Variants in BCOR observed in about 807,000 individuals in gnomAD.
The protein encoded by BCOR is BCL6 corepressor.
A neutral mutation model predicts 86.7 loss-of-function variants in BCOR; 10 were observed. The ratio of observed to expected loss-of-function variants is 0.12; its 90% confidence interval spans 0.07 to 0.20. The LOEUF (loss-of-function observed/expected upper bound fraction) is 0.20, where lower values mean the gene tolerates loss of function less well. BCOR is among the 10% of genes least tolerant of loss of function. The pLI is 1.00. For missense variants in BCOR, 1,259 were observed against 1,452.1 expected (o/e 0.87, Z 2.16); for synonymous variants, 611 against 609.0 (o/e 1.00, Z -0.05).
At chrX:40,076,239 C>G (rs1026757186) in intron 3 of BCOR, among the ~76,000 whole-genome samples, 1 of 111,835 alleles carries the variant, frequency 8.9e-6, no homozygotes, top group Non-Finnish European at 1.9e-5. Context: ...CCACCAGTCA[C>G]TAGGGGACAG....
chrX:40,153,835 T>C (rs1938222004), intron 1 of BCOR, among the ~76,000 whole-genome samples: 1 of 111,164 alleles, frequency 9.0e-6, no homozygotes, highest in Admixed American at 9.3e-5. Context: ...GCCTCTGCTC[T>C]GCGTTGGGGA....
intron 1 of BCOR, among the ~76,000 whole-genome samples, chrX:40,168,116 C>G (rs1938541553): frequency 8.8e-6 from 1 of 113,055 alleles, no homozygotes; most frequent in Non-Finnish European, 1.9e-5. Context: ...ACCCGGCCAC[C>G]ACGGGACCGC....
Position 40,055,510 on chromosome X carries a change from A to G in BCOR, c.4599T>C (p.Pro1533=), listed in dbSNP as rs189304389. Residue 1533 remains proline (P), a synonymous_variant, in exon 12 of 15, where the codon CCT becomes CCC. Transcript: ENST00000378444. ...VNCSAQDGTR[P]LHDAVENDHL... is the part of the protein sequence containing the mutation. ...GATCGTTCTCAACAGCATCGTGCAG[A>G]GGCCTAGGAAGAGAGGCGCAATAGA... 9 of 1,211,455 alleles carry G rather than the reference A, an allele frequency of 7.4e-6. No individual in the cohort carries two copies. In the Admixed American group the frequency reaches 1.7e-4, roughly 23 times the overall value.
At position 40,097,330 on chromosome X, in the gene BCOR, GAGAT is replaced by G. The variant is rs1204049420; in HGVS notation, c.-160_-157del. On this transcript the variant is annotated 5_prime_UTR_variant, in exon 1 of 15. Transcript: ENST00000378444. ...CGGGGGGCGGTTGGGTGGGTGGAGA[GAGAT>G]ATGAGGGGTGGGGGGGGTTGGCGAC... is the stretch of plus-strand genomic sequence containing the variant. 9.7e-6 allele frequency: 1 copy of G among 102,629 alleles called. No individual in the cohort carries two copies. The highest frequency in any genetic ancestry group is 2.0e-5 in the Non-Finnish European group (1 of 49,755). The allele number at this position is 102,629 out of a possible 1,213,427, so 8.5% of individuals were successfully genotyped here.
At chrX:40,106,400 G>A (rs984763692) in intron 1 of BCOR, among the ~76,000 whole-genome samples, 4 of 112,180 alleles carry the variant, frequency 3.6e-5, no homozygotes, top group Non-Finnish European at 7.6e-5. Context: ...GCGGCCCCGC[G>A]GGCCCGGAGT....
intron 14 of BCOR, 117 bp downstream of exon 14, chrX:40,053,769 T>A: frequency 1.2e-6 from 1 of 812,749 alleles, no homozygotes. Context: ...GTGAGGTTCG[T>A]GGACAGTTAA....
rs368780561 is a variant in BCOR at position 40,064,392 on chromosome X, G to A, written c.3446C>T (p.Ala1149Val). ...CAGAGGGTCCTCTGGCACCTCCTCC[G>A]CAGTGGTCTCAGTGTGGCTGCTGTC... ...SGDSSHTETT[A>V]EEVPEDPLLK... Residue 1149 changes from alanine to valine, a missense_variant, in exon 7 of 15, where the codon GCG (alanine) becomes GTG (valine). Physicochemically the swap from Ala to Val is moderately conservative, Grantham distance 64. This residue lies in a region of BCOR where 305 missense variants were observed against 286.1 expected (regional missense o/e 1.07). Coordinates refer to ENST00000378444, the MANE Select transcript of BCOR (RefSeq NM_001123385.2). The A allele has an allele frequency of 3.2e-4, 385 of 1,211,069 alleles. No homozygotes were observed. The highest frequency in any genetic ancestry group is 5.6e-4 in the South Asian group (32 of 56,924).
chrX:40,086,708 T>C (rs1936375960), intron 1 of BCOR, among the ~76,000 whole-genome samples: 2 of 113,884 alleles, frequency 1.8e-5, no homozygotes, highest in African/African-American at 6.4e-5. Context: ...CGCCAACAGC[T>C]GTCACATTAT....
chrX:40,172,869 G>A (rs761847786), intron 1 of BCOR, among the ~76,000 whole-genome samples: 15 of 112,733 alleles, frequency 1.3e-4, no homozygotes, highest in Non-Finnish European at 1.1e-4. Flanking sequence ...GGGCGATAAG[G>A]AGTTCCTCGG....
At chrX:40,063,509 A>G in intron 8 of BCOR, 99 bp downstream of exon 8, 2 of 670,064 alleles carry the variant, frequency 3.0e-6, no homozygotes, top group Non-Finnish European at 2.3e-6. Flanking sequence ...GTCAATTGCT[A>G]TGGCCTTCTA....
chrX:40,080,815 C>CGTGTGT (rs533981374), intron 1 of BCOR, among the ~76,000 whole-genome samples: 150 of 65,992 alleles, frequency 2.3e-3, no homozygotes, highest in Middle Eastern at 8.4e-3. Flanking sequence ...GGTTCACTGT[C>CGTGTGT]GTGTGTGTGT....
intron 1 of BCOR, among the ~76,000 whole-genome samples, chrX:40,112,549 G>A (rs1937328656): frequency 9.0e-6 from 1 of 111,352 alleles, no homozygotes; most frequent in Admixed American, 9.6e-5. Flanking sequence ...AGAAAATGGT[G>A]GTGCTAGGAT....
intron 2 of BCOR, chrX:40,077,114 T>C (rs1417744571): frequency 1.9e-5 from 4 of 212,822 alleles, no homozygotes; most frequent in Non-Finnish European, 3.5e-5. Flanking sequence ...CACACTAGTA[T>C]CATACAAATG....
upstream of BCOR, among the ~76,000 whole-genome samples, chrX:40,100,606 G>T (rs1569178588): frequency 9.1e-6 from 1 of 110,481 alleles, no homozygotes; most frequent in Non-Finnish European, 1.9e-5. Context: ...GGCTGAGCCA[G>T]GAGAATCGCT....
chrX:40,083,675 C>A (rs998747120), intron 1 of BCOR, among the ~76,000 whole-genome samples: 4 of 112,422 alleles, frequency 3.6e-5, no homozygotes, highest in African/African-American at 1.3e-4. Context: ...CCACACACAC[C>A]CGTGCTGCTC....
intron 1 of BCOR, among the ~76,000 whole-genome samples, chrX:40,123,794 G>GTT (rs869272553): frequency 1.1e-4 from 10 of 93,118 alleles, no homozygotes; most frequent in Non-Finnish European, 1.2e-4. Context: ...AGGTTTCCTG[G>GTT]TTGTGTGTGT....
chrX:40,094,889 T>C (rs1936783697), intron 1 of BCOR, among the ~76,000 whole-genome samples: 1 of 112,882 alleles, frequency 8.9e-6, no homozygotes, highest in Non-Finnish European at 1.9e-5. Flanking sequence ...CTGGAGAGAA[T>C]CGCTAATGAG....
rs1258416423 is a variant in BCOR at position 40,097,282 on chromosome X, G to A, written c.-108C>T. 9.4e-6 allele frequency: 1 copy of A among 105,869 alleles called. No homozygotes were observed. The highest frequency in any genetic ancestry group is 2.0e-5 in the Non-Finnish European group (1 of 50,776). The allele number at this position is 105,869 out of a possible 1,213,427, so 8.7% of individuals were successfully genotyped here. A position where few individuals can be genotyped will look rare whatever the true frequency, so the allele number is the denominator to read the frequency against. Reference sequence around the variant, plus strand: ...GGCTCTTTGAAGTTTTCCCCCAAGCGGACTCGAGGCGGCGAGAAGGAGCGG... The same window carrying A: ...GGCTCTTTGAAGTTTTCCCCCAAGCAGACTCGAGGCGGCGAGAAGGAGCGG... On this transcript the variant is annotated 5_prime_UTR_variant, in exon 1 of 15. Transcript: ENST00000378444.
In BCOR at chrX:40,062,758, A is replaced by T; in HGVS notation, c.4161T>A (p.Asn1387Lys). ...GGTCAAGAGGTACCTTGCCATCGGC[A>T]TTCTCCACGTAGTATTCCCCTGTCA... is the stretch of plus-strand genomic sequence containing the variant. ...LPLTGEYYVE[N>K]ADGKVTVRRF... The change falls in exon 9 of 15, where the codon AAT becomes AAA. Residue 1387 changes from asparagine to lysine, a missense_variant. Around this residue, in one of 7 missense-constraint regions of BCOR, gnomAD observed 305 missense variants for 286.1 expected, o/e 1.07. Coordinates refer to ENST00000378444, the MANE Select transcript of BCOR (RefSeq NM_001123385.2). 8.3e-7 allele frequency: 1 copy of T among 1,211,037 alleles called. No individual in the cohort carries two copies. Among genetic ancestry groups the T allele is most frequent in the Non-Finnish European group, 1.1e-6 (1 of 895,076 alleles).
Sources: allele counts gnomAD v4.1 joint callset (sites outside exome capture counted in the v4.1 genomes callset), GRCh38; gene constraint gnomAD v4.1.1; regional missense constraint gnomAD v4.1.1; transcripts MANE v1.5; gene names NCBI Gene and HGNC (gene_info 2026-07-23, HGNC 2026-07-21).